The following HIVEP3 variants were observed in gnomAD, a reference collection of about 807,000 sequenced individuals.
HIVEP3 encodes transcription factor HIVEP3.
Under a neutral mutation model 152.8 loss-of-function variants are expected in HIVEP3, and 49 were observed. The observed-to-expected ratio is 0.32, with a 90% CI of 0.26 to 0.41. HIVEP3 has a LOEUF of 0.41. Among genes scored for constraint, HIVEP3 ranks in the 10% least tolerant of loss-of-function variants. HIVEP3 has a pLI of 1.00. For synonymous variants in HIVEP3, 1,269 were observed against 1,289.0 expected, an observed-to-expected ratio of 0.98 and a Z score of 0.33; for missense variants, 2,790 against 3,103.3, an observed-to-expected ratio of 0.90 and a Z score of 2.40.
At chr1:41,959,360 A>G (rs1246306800) in intron 1 of HIVEP3, among the ~76,000 whole-genome samples, 4 of 152,182 alleles carry the variant, frequency 2.6e-5, no homozygotes, top group African/African-American at 9.7e-5. Flanking sequence ...AGCCACCACT[A>G]CTATCCAAGG....
intron 3 of HIVEP3, among the ~76,000 whole-genome samples, chr1:41,628,476 A>T (rs1645148650): frequency 6.6e-6 from 1 of 152,182 alleles, no homozygotes; most frequent in Non-Finnish European, 1.5e-5. Flanking sequence ...TTGCCAGGAC[A>T]GAATGGAAAC....
At chr1:41,972,466 G>A (rs2124504914) in intron 1 of HIVEP3, among the ~76,000 whole-genome samples, 1 of 152,334 alleles carries the variant, frequency 6.6e-6, no homozygotes, top group South Asian at 2.1e-4. Flanking sequence ...TGGACAAGGA[G>A]GGTCCCTGCC....
intron 3 of HIVEP3, among the ~76,000 whole-genome samples, chr1:41,626,488 TG>T (rs1478302602): frequency 6.6e-6 from 1 of 152,118 alleles, no homozygotes. Flanking sequence ...ACAAAGAGTC[TG>T]GGCACGAAGC....
chr1:41,584,438 T>C lies in HIVEP3; in HGVS notation c.360A>G (p.Gln120=). The change falls in exon 4 of 9, where the codon CAA becomes CAG. Residue 120 remains glutamine, a synonymous_variant. Coordinates refer to ENST00000372583, the MANE Select transcript of HIVEP3 (RefSeq NM_024503.5). This position sits in a 1 kb window ranked among gnomAD's most constrained non-coding sequence, Gnocchi z 5.2. ...PEHLLEGSTW[Q]LVDPMRPGPS... The stretch of plus-strand genomic sequence containing the variant: ...GTCCAGGTCTCATGGGGTCAACCAG[T>C]TGCCATGTGGACCCCTCCAGGAGAT... The C allele has an allele frequency of 6.2e-7, 1 of 1,614,108 alleles. No homozygotes were observed. Among genetic ancestry groups the C allele is most frequent in the Non-Finnish European group, 8.5e-7 (1 of 1,179,986 alleles).
At chr1:41,686,369 C>T (rs948016445) in intron 2 of HIVEP3, among the ~76,000 whole-genome samples, 33 of 152,238 alleles carry the variant, frequency 2.2e-4, no homozygotes, top group South Asian at 1.2e-3. Context: ...CCACCACACC[C>T]GGCCATAGAC....
chr1:41,821,274 T>C (rs981920928), intron 1 of HIVEP3, among the ~76,000 whole-genome samples: 5 of 152,248 alleles, frequency 3.3e-5, no homozygotes, highest in Admixed American at 6.5e-5. Flanking sequence ...CTCAGGCAGG[T>C]CTTAGATATT....
chr1:41,720,693 C>T (rs1646661957), intron 1 of HIVEP3, among the ~76,000 whole-genome samples: 1 of 152,220 alleles, frequency 6.6e-6, no homozygotes, highest in Admixed American at 6.5e-5. Context: ...AATCCCACTG[C>T]TGGGTATTTA....
intron 1 of HIVEP3, among the ~76,000 whole-genome samples, chr1:41,963,203 C>A (rs1022073524): frequency 2.6e-5 from 4 of 151,796 alleles, no homozygotes; most frequent in Non-Finnish European, 5.9e-5. Context: ...AGTAGAGATG[C>A]GGTTTCACTG....
intron 3 of HIVEP3, among the ~76,000 whole-genome samples, chr1:41,601,166 C>T (rs1415578656): frequency 6.6e-6 from 1 of 152,004 alleles, no homozygotes; most frequent in African/African-American, 2.4e-5. Flanking sequence ...ATTTTTTATG[C>T]TTTGAAATTA....
rs777865360 is a variant in HIVEP3, at chr1:41,581,734, C to A, written c.3064G>T (p.Gly1022Cys). 5.0e-6 allele frequency: 8 copies of A among 1,606,684 alleles called. No homozygotes were observed. The Admixed American group carries it at 6.9e-5, about 14-fold the overall frequency. Residue 1022 changes from glycine to cysteine, a missense_variant, in exon 4 of 9, where the codon GGC (glycine) becomes TGC (cysteine). Physicochemically the swap from Gly to Cys is radical, Grantham distance 159. This residue lies in a region of HIVEP3 where 1,078 missense variants were observed against 1,165.3 expected (regional missense o/e 0.93). Coordinates refer to ENST00000372583, the MANE Select transcript of HIVEP3 (RefSeq NM_024503.5). The surrounding 1 kb of genome is among the most constrained non-coding windows in gnomAD (Gnocchi z 4.5). ...GCCACTGGGGCTGGAGCAGAAGGGC[C>A]TGTCAAGGACAAGCTGCCATAGTCA... ...SFDYGSLSLTGPSAPAPVAPP... is the reference protein window; with the variant it reads ...SFDYGSLSLTCPSAPAPVAPP...
chr1:41,574,619 G>A (rs1368249735), intron 5 of HIVEP3, among the ~76,000 whole-genome samples: 8 of 152,170 alleles, frequency 5.3e-5, no homozygotes, highest in Admixed American at 4.6e-4. Flanking sequence ...GCGCTTGCAG[G>A]TGCTAGAGGA....
intron 1 of HIVEP3, among the ~76,000 whole-genome samples, chr1:41,737,889 G>C (rs1646941609): frequency 6.6e-6 from 1 of 152,220 alleles, no homozygotes; most frequent in African/African-American, 2.4e-5. Flanking sequence ...AAATACAGCA[G>C]GTGTCACTTA....
At chr1:41,625,948 T>A (rs1287317089) in intron 3 of HIVEP3, among the ~76,000 whole-genome samples, 8 of 152,264 alleles carry the variant, frequency 5.3e-5, no homozygotes, top group Non-Finnish European at 1.5e-5. Context: ...AAATAGCTTC[T>A]AAGACTATAA....
Position 41,511,250 on chromosome 1 carries a change from C to G in HIVEP3, c.6422G>C (p.Arg2141Pro), listed in dbSNP as rs752256586. ...AGGGCCGGGTGAGCAGGAGGGACTT[C>G]GGGACTCGGCCTTCTGCTGGGGTCA... The part of the protein sequence containing the change: ...CASPWQKAES[R>P]SPSCSPGPAH... Residue 2141 changes from arginine (R) to proline (P), a missense_variant, in exon 9 of 9, where the codon CGA (arginine) becomes CCA (proline). Physicochemically the swap from Arg to Pro is moderately radical, Grantham distance 103. This residue lies in a region of HIVEP3 where 816 missense variants were observed against 806.5 expected (regional missense o/e 1.01). Coordinates refer to ENST00000372583, the MANE Select transcript of HIVEP3 (RefSeq NM_024503.5). This position sits in a 1 kb window ranked among gnomAD's most constrained non-coding sequence, Gnocchi z 4.9. 1.2e-6 allele frequency: 2 copies of G among 1,605,982 alleles called. No individual in the cohort carries two copies. The highest frequency in any genetic ancestry group is 1.7e-6 in the Non-Finnish European group (2 of 1,175,350).
At chr1:41,591,790 T>C (rs915160407) in intron 3 of HIVEP3, among the ~76,000 whole-genome samples, 3 of 152,136 alleles carry the variant, frequency 2.0e-5, no homozygotes, top group Admixed American at 2.0e-4. Flanking sequence ...AAGAGTCACA[T>C]GAGCACATTC....
intron 5 of HIVEP3, among the ~76,000 whole-genome samples, chr1:41,541,452 G>A (rs1643529209): frequency 1.3e-5 from 2 of 152,260 alleles, no homozygotes; most frequent in South Asian, 4.2e-4. Context: ...GTGTGTTGTG[G>A]CCGTGACAGG....
chr1:41,962,784 C>A (rs1376284585), intron 1 of HIVEP3, among the ~76,000 whole-genome samples: 2 of 152,320 alleles, frequency 1.3e-5, no homozygotes, highest in East Asian at 3.9e-4. Context: ...GAACTCAAGC[C>A]AAGCATTTTA....
chr1:41,750,762 G>A (rs907739706), intron 1 of HIVEP3, among the ~76,000 whole-genome samples: 2 of 150,880 alleles, frequency 1.3e-5, no homozygotes, highest in East Asian at 1.9e-4. Flanking sequence ...GCAATGGTGC[G>A]ATCTCAGCTC....
chr1:41,565,244 T>C (rs1436531064), intron 5 of HIVEP3, among the ~76,000 whole-genome samples: 4 of 152,132 alleles, frequency 2.6e-5, no homozygotes, highest in African/African-American at 2.4e-5. Context: ...GGAGGTGGAA[T>C]GCGAATGGCA....
Sources: allele counts gnomAD v4.1 joint callset (sites outside exome capture counted in the v4.1 genomes callset), GRCh38; gene constraint gnomAD v4.1.1; regional missense constraint gnomAD v4.1.1; non-coding constraint Gnocchi (gnomAD v3.1); transcripts MANE v1.5; gene names NCBI Gene and HGNC (gene_info 2026-07-23, HGNC 2026-07-21).